PDS5A: variants seen among roughly 807,000 people sequenced by gnomAD.
PDS5A encodes the protein PDS5 cohesin associated factor A.
A neutral mutation model predicts 167.1 loss-of-function variants in PDS5A; 42 were observed. The observed-to-expected ratio is 0.25, with a 90% CI of 0.20 to 0.33. PDS5A has a LOEUF of 0.33. PDS5A is among the 10% of genes least tolerant of loss of function. The pLI is 1.00. For synonymous variants in PDS5A, 553 were observed against 554.6 expected, an observed-to-expected ratio of 1.00 and a Z score of 0.04; for missense variants, 1,033 against 1,605.9, an observed-to-expected ratio of 0.64 and a Z score of 6.10.
At chr4:39,899,618 A>T (rs1048689826) in intron 14 of PDS5A, among the ~76,000 whole-genome samples, 3 of 152,124 alleles carry the variant, frequency 2.0e-5, no homozygotes, top group Non-Finnish European at 4.4e-5. Flanking sequence ...AGGCCTAGGC[A>T]GGCAGACTGC....
At chr4:39,887,068 T>C (rs1721541627) in intron 17 of PDS5A, among the ~76,000 whole-genome samples, 1 of 152,202 alleles carries the variant, frequency 6.6e-6, no homozygotes, top group Non-Finnish European at 1.5e-5. Flanking sequence ...CGAACAAGGC[T>C]AATTTGACTT....
At chr4:39,915,865 G>C (rs1215552249) in intron 8 of PDS5A, among the ~76,000 whole-genome samples, 1 of 152,146 alleles carries the variant, frequency 6.6e-6, no homozygotes, top group Admixed American at 6.5e-5. Flanking sequence ...TATTTCAAAA[G>C]AGGACATTTC....
chr4:39,831,225 A>C (rs1715834356), intron 32 of PDS5A, among the ~76,000 whole-genome samples: 1 of 152,144 alleles, frequency 6.6e-6, no homozygotes, highest in African/African-American at 2.4e-5. Context: ...CAGCCTACTG[A>C]GTAGCTGGGA....
chr4:39,837,101 G>A (rs571631889), intron 32 of PDS5A: 2 of 151,498 alleles, frequency 1.3e-5, no homozygotes, highest in African/African-American at 4.8e-5. Flanking sequence ...CAAAGTGTTG[G>A]GATTACAGGC....
intron 3 of PDS5A, 127 bp downstream of exon 3, chr4:39,927,834 A>C: frequency 1.5e-6 from 1 of 673,864 alleles, no homozygotes; most frequent in Non-Finnish European, 2.5e-6. Flanking sequence ...GCAACTTACA[A>C]TATATTCTTA....
At chr4:39,935,196 A>G (rs1668183620) in intron 2 of PDS5A, among the ~76,000 whole-genome samples, 1 of 152,134 alleles carries the variant, frequency 6.6e-6, no homozygotes, top group Non-Finnish European at 1.5e-5. Flanking sequence ...CAGTGGCACA[A>G]TCTCGGCTCA....
At chr4:39,883,695 C>T (rs1721160335) in intron 17 of PDS5A, among the ~76,000 whole-genome samples, 1 of 151,918 alleles carries the variant, frequency 6.6e-6, no homozygotes, top group Non-Finnish European at 1.5e-5. Flanking sequence ...GAGTGAAGTG[C>T]CGTGATCTCA....
intron 2 of PDS5A, among the ~76,000 whole-genome samples, chr4:39,972,193 C>T (rs1328274598): frequency 6.6e-6 from 1 of 152,132 alleles, no homozygotes; most frequent in Non-Finnish European, 1.5e-5. Flanking sequence ...CATAAGTAGT[C>T]ATAACTTTCC....
chr4:39,917,219 C>T (rs779471516), intron 7 of PDS5A, 31 bp from the exon 8 acceptor site: 2 of 1,437,508 alleles, frequency 1.4e-6, no homozygotes, highest in East Asian at 2.5e-5. Flanking sequence ...AAAAAGAAAA[C>T]ATCCAGTTCA....
At chr4:39,973,331 C>G in intron 2 of PDS5A, 2 of 1,607,322 alleles carry the variant, frequency 1.2e-6, no homozygotes, top group Admixed American at 3.3e-5. Context: ...ACATGAACAG[C>G]AGGCTGTTGC....
chr4:39,823,660 T>C lies in PDS5A; in HGVS notation c.*1825A>G, dbSNP rs1042562876. 4.9e-4 allele frequency: 75 copies of C among 152,726 alleles called. No individual in the cohort carries two copies. Among genetic ancestry groups the C allele is most frequent in the African/African-American group, 1.8e-3 (74 of 41,578 alleles). 9.5% of individuals were successfully genotyped at this position (152,726 alleles called of 1,614,324 possible). ...GATACTTATGCATAGATACTCTTTTTCAGCATGTTGGAGGCAATATTTTAT... is the reference window on the plus strand; with the variant it reads ...GATACTTATGCATAGATACTCTTTTCCAGCATGTTGGAGGCAATATTTTAT... On this transcript the variant is annotated 3_prime_UTR_variant, in exon 33 of 33. Coordinates refer to ENST00000303538, the MANE Select transcript of PDS5A (RefSeq NM_001100399.2).
intron 5 of PDS5A, among the ~76,000 whole-genome samples, chr4:39,924,969 G>A (rs1190354563): frequency 3.3e-5 from 5 of 152,132 alleles, no homozygotes; most frequent in South Asian, 2.1e-4. Context: ...AAAATTAGCC[G>A]GGTGTGGTGG....
intron 2 of PDS5A, among the ~76,000 whole-genome samples, chr4:39,943,849 G>T (rs1052318200): frequency 6.6e-6 from 1 of 151,288 alleles, no homozygotes. Context: ...CATTCTACCA[G>T]ACCTAAACCA....
At chr4:39,955,461 G>A (rs985533181) in intron 2 of PDS5A, among the ~76,000 whole-genome samples, 9 of 151,832 alleles carry the variant, frequency 5.9e-5, no homozygotes, top group African/African-American at 1.7e-4. Flanking sequence ...AAATTACCCA[G>A]GTGTCGTGGC....
chr4:39,833,536 A>C (rs1716118821), intron 32 of PDS5A, among the ~76,000 whole-genome samples: 1 of 152,090 alleles, frequency 6.6e-6, no homozygotes, highest in Non-Finnish European at 1.5e-5. Flanking sequence ...CTATGGGCAC[A>C]TACCAGACAC....
At chr4:39,930,246 A>AAAAAAAAAAAAAATTTTTTTTTTTTT in intron 2 of PDS5A, among the ~76,000 whole-genome samples, 1 of 93,090 alleles carries the variant, frequency 1.1e-5, no homozygotes, top group Non-Finnish European at 2.2e-5. Context: ...AAAAAAAAAA[A>AAAAAAAAAAAAAATTTTTTTTTTTTT]GTTTTTTTGT....
At chr4:39,876,550 C>G (rs1720476631) in intron 19 of PDS5A, among the ~76,000 whole-genome samples, 1 of 152,148 alleles carries the variant, frequency 6.6e-6, no homozygotes, top group African/African-American at 2.4e-5. Flanking sequence ...AATATAACAT[C>G]TCAGCACAAG....
chr4:39,946,791 T>G (rs1467761528), intron 2 of PDS5A, among the ~76,000 whole-genome samples: 1 of 151,994 alleles, frequency 6.6e-6, no homozygotes, highest in East Asian at 1.9e-4. Context: ...CGGGCACCTG[T>G]AATCCTAGCT....
chr4:39,925,243 C>T (rs1560488689), intron 5 of PDS5A, among the ~76,000 whole-genome samples: 1 of 152,134 alleles, frequency 6.6e-6, no homozygotes. Flanking sequence ...AGAATTTGAG[C>T]CTCCTGTCCA....
Sources: allele counts gnomAD v4.1 joint callset (sites outside exome capture counted in the v4.1 genomes callset), GRCh38; gene constraint gnomAD v4.1.1; transcripts MANE v1.5; gene names NCBI Gene and HGNC (gene_info 2026-07-23, HGNC 2026-07-21).